Variants in ECSIT observed in about 807,000 individuals in gnomAD.
The protein encoded by ECSIT is evolutionarily conserved signaling intermediate in Toll pathway, mitochondrial.
A neutral mutation model predicts 36.8 loss-of-function variants in ECSIT; 29 were observed. The observed-to-expected ratio is 0.79, with a 90% CI of 0.59 to 1.08. The LOEUF (loss-of-function observed/expected upper bound fraction) is 1.08. Among genes scored for constraint, ECSIT ranks in the 50% least tolerant of loss-of-function variants. The pLI, the probability that ECSIT is intolerant of heterozygous loss-of-function variation, is 0.00. For synonymous variants in ECSIT, 231 were observed against 234.8 expected (o/e 0.98, Z 0.15); for missense variants, 542 against 581.0 (o/e 0.93, Z 0.69).
Position 11,506,392 on chromosome 19 carries a change from C to A in ECSIT, c.1088G>T (p.Gly363Val). The A allele has an allele frequency of 6.2e-7, 1 of 1,613,684 alleles. No homozygotes were observed. The highest frequency in any genetic ancestry group is 8.5e-7 in the Non-Finnish European group (1 of 1,179,894). ...AGCCATCGTCGCCTGGTCATGAGCA[C>A]CCGCCATGCACATGGCGAAGACAGG... The part of the protein sequence containing the change: ...EGPVFAMCMA[G>V]AHDQATMAKW... Residue 363 changes from glycine to valine, a missense_variant, in exon 8 of 8, where the codon GGT becomes GTT. Transcript: ENST00000270517.
chr19:11,520,126 C>T (rs1242964255), intron 1 of ECSIT, among the ~76,000 whole-genome samples: 1 of 152,138 alleles, frequency 6.6e-6, no homozygotes, highest in African/African-American at 2.4e-5. Context: ...TCTGGAATCA[C>T]AAGTGCTCCT....
intron 4 of ECSIT, among the ~76,000 whole-genome samples, chr19:11,510,166 C>A (rs1295914778): frequency 6.6e-6 from 1 of 151,966 alleles, no homozygotes; most frequent in Admixed American, 6.6e-5. Flanking sequence ...AGCCACCATG[C>A]CTGGCTAAAG....
intron 4 of ECSIT, 35 bp downstream of exon 4, chr19:11,513,021 G>T (rs766524178): frequency 1.2e-6 from 2 of 1,601,518 alleles, no homozygotes; most frequent in South Asian, 1.1e-5. Context: ...GCCTGGCCTG[G>T]GGTGGCAGCT....
intron 4 of ECSIT, among the ~76,000 whole-genome samples, chr19:11,511,211 T>C (rs1258904680): frequency 6.6e-6 from 1 of 152,118 alleles, no homozygotes; most frequent in Non-Finnish European, 1.5e-5. Flanking sequence ...TCTCTTTGGA[T>C]CCCTTGTGTG....
At chr19:11,514,266 C>G (rs73512799) in intron 2 of ECSIT, 45 bp from the exon 3 acceptor site, 4 of 1,526,382 alleles carry the variant, frequency 2.6e-6, no homozygotes, top group African/African-American at 2.8e-5. Flanking sequence ...CTCTCAGTGT[C>G]TATGGGGGGC....
intron 7 of ECSIT, among the ~76,000 whole-genome samples, 172 bp downstream of exon 7, chr19:11,507,282 CTTT>C (rs60161140): frequency 2.2e-4 from 30 of 133,444 alleles, no homozygotes; most frequent in Admixed American, 3.7e-4. Flanking sequence ...AGGTTTTTGC[CTTT>C]TTTTTTTTTT....
In ECSIT at chr19:11,519,426, C is replaced by T. The variant is rs933927421; in HGVS notation, c.-23-233G>A. On this transcript the variant is annotated intron_variant, in intron 1 of 7. Coordinates refer to ENST00000270517, the MANE Select transcript of ECSIT (RefSeq NM_016581.5). This position sits in a 1 kb window ranked among gnomAD's most constrained non-coding sequence, Gnocchi z 4.4. ...CTCAATGCAGCCTCCAACTTCTGGGCCCAAGTGATCCTCCAGCCCCAGAGC... is the reference window on the plus strand; with the variant it reads ...CTCAATGCAGCCTCCAACTTCTGGGTCCAAGTGATCCTCCAGCCCCAGAGC... 6.6e-6 allele frequency among the ~76,000 whole-genome samples: 1 copy of T among 152,138 alleles called. No homozygotes were observed. The highest frequency in any genetic ancestry group is 1.5e-5 in the Non-Finnish European group (1 of 68,020).
chr19:11,513,907 G>C lies in ECSIT; in HGVS notation c.411C>G (p.Pro137=). ...TGTTGCGAGGCCGGAAGACCTCCTTGGGGAAGATGTTGAGCAGCTGGTTGT... is the reference window on the plus strand; with the variant it reads ...TGTTGCGAGGCCGGAAGACCTCCTTCGGGAAGATGTTGAGCAGCTGGTTGT... The part of the protein sequence containing the change: ...AVYNQLLNIF[P]KEVFRPRNII... Residue 137 remains proline (P), a synonymous_variant, in exon 3 of 8, where the codon CCC becomes CCG. Coordinates refer to ENST00000270517, the MANE Select transcript of ECSIT (RefSeq NM_016581.5). The C allele has an allele frequency of 6.2e-7, 1 of 1,614,188 alleles. No homozygotes were observed. The highest frequency in any genetic ancestry group is 8.5e-7 in the Non-Finnish European group (1 of 1,180,030).
At chr19:11,512,337 C>T (rs10420736) in intron 4 of ECSIT, among the ~76,000 whole-genome samples, 1,768 of 152,002 alleles carry the variant, frequency 0.012, 30 homozygotes, top group African/African-American at 0.04. Flanking sequence ...AGAGCCAGAC[C>T]TTGTCTCAAA....
chr19:11,506,351 G>A lies in ECSIT; in HGVS notation c.1129C>T (p.Leu377=). The A allele has an allele frequency of 1.2e-6, 2 of 1,613,652 alleles. No individual in the cohort carries two copies. Among genetic ancestry groups the A allele is most frequent in the Non-Finnish European group, 8.5e-7 (1 of 1,179,900 alleles). Residue 377 remains leucine (L), a synonymous_variant, in exon 8 of 8, where the codon CTG becomes TTG. Coordinates refer to ENST00000270517, the MANE Select transcript of ECSIT (RefSeq NM_016581.5). The part of the protein sequence containing the change: ...QATMAKWIQG[L]QETNPTLAQI... ...GCCAGGGTTGGGTTGGTCTCCTGCAGGCCCTGGATCCACTTAGCCATCGTC... is the reference window on the plus strand; with the variant it reads ...GCCAGGGTTGGGTTGGTCTCCTGCAAGCCCTGGATCCACTTAGCCATCGTC...
At chr19:11,517,429 C>T (rs1311818322) in intron 2 of ECSIT, among the ~76,000 whole-genome samples, 1 of 151,922 alleles carries the variant, frequency 6.6e-6, no homozygotes, top group Non-Finnish European at 1.5e-5. Flanking sequence ...AACCCCATCT[C>T]TACCAAAAAT....
intron 2 of ECSIT, 27 bp from the exon 3 acceptor site, chr19:11,514,248 T>C (rs1238695883): frequency 6.3e-7 from 1 of 1,576,824 alleles, no homozygotes; most frequent in Non-Finnish European, 8.6e-7. Flanking sequence ...ACTGCTGGAA[T>C]CTGGCACCTC....
At position 11,522,096 on chromosome 19, in the gene ECSIT, C is replaced by T. The variant is rs115873470; in HGVS notation, c.-23-2903G>A. The T allele has an allele frequency of 7.2e-3, 2,632 of 364,342 alleles. 64 individuals carry two copies. The highest frequency in any genetic ancestry group is 0.051 in the African/African-American group (2,404 of 46,906). The allele number at this position is 364,342 out of a possible 1,614,324, so 22.6% of individuals were successfully genotyped here. ...CTGATCATGTCGTTGCCAAGTCCCA[C>T]TTCTGGTACTTTGTATCTCAGCTAA... On this transcript the variant is annotated intron_variant, in intron 1 of 7. Coordinates refer to ENST00000270517, the MANE Select transcript of ECSIT (RefSeq NM_016581.5).
intron 1 of ECSIT, among the ~76,000 whole-genome samples, chr19:11,527,086 G>A (rs762432033): frequency 2.0e-5 from 3 of 152,140 alleles, no homozygotes; most frequent in Non-Finnish European, 4.4e-5. Flanking sequence ...CAGCACTTTG[G>A]GAGGCTGAAG....
chr19:11,506,982 C>A (rs1441782846), intron 7 of ECSIT, among the ~76,000 whole-genome samples: 1 of 152,216 alleles, frequency 6.6e-6, no homozygotes, highest in Non-Finnish European at 1.5e-5. Context: ...AGGCATGCTC[C>A]TCTCCTAAGC....
chr19:11,508,719 ATT>A (rs1236938141), intron 4 of ECSIT, among the ~76,000 whole-genome samples: 1 of 151,848 alleles, frequency 6.6e-6, no homozygotes, highest in Non-Finnish European at 1.5e-5. Context: ...TGCCCGGCTA[ATT>A]TTTTGTATTT....
intron 2 of ECSIT, among the ~76,000 whole-genome samples, chr19:11,514,711 G>A (rs968328774): frequency 6.6e-6 from 1 of 152,014 alleles, no homozygotes; most frequent in Non-Finnish European, 1.5e-5. Flanking sequence ...CAGCAGAGAC[G>A]GGAGTCGCAC....
chr19:11,516,656 AAAAT>A (rs1335156577), intron 2 of ECSIT, among the ~76,000 whole-genome samples: 7 of 149,688 alleles, frequency 4.7e-5, no homozygotes, highest in Non-Finnish European at 7.4e-5. Flanking sequence ...TTATCTCTAA[AAAAT>A]AAATGAATGT....
At chr19:11,523,528 A>G in intron 1 of ECSIT, 1 of 1,096,454 alleles carries the variant, frequency 9.1e-7, no homozygotes. Context: ...ACGATGGCCT[A>G]GCACGTGGAA....
Sources: gnomAD v4.1 joint callset for allele counts (sites outside exome capture counted in the v4.1 genomes callset) on GRCh38, gnomAD v4.1.1 for gene constraint, Gnocchi (gnomAD v3.1) non-coding constraint, MANE v1.5 for transcripts, NCBI Gene and HGNC (gene_info 2026-07-23, HGNC 2026-07-21) for gene names.